IQGAP1: variants seen among roughly 807,000 people sequenced by gnomAD.
The protein encoded by IQGAP1 is ras GTPase-activating-like protein IQGAP1.
Under a neutral mutation model 215.6 loss-of-function variants are expected in IQGAP1, and 66 were observed. That is an observed-to-expected ratio of 0.31 (90% CI 0.25 to 0.38). The LOEUF is 0.38. Ranked by LOEUF, IQGAP1 falls within the 10% of genes least tolerant of loss-of-function variation. IQGAP1 has a pLI of 1.00. For missense variants in IQGAP1, 1,712 were observed against 1,997.1 expected, an observed-to-expected ratio of 0.86 and a Z score of 2.72; for synonymous variants, 772 against 728.7, an observed-to-expected ratio of 1.06 and a Z score of -0.96.
chr15:90,484,201 C>T lies in IQGAP1; in HGVS notation c.3789-19C>T, dbSNP rs769187193. The T allele has an allele frequency of 9.3e-5, 149 of 1,608,632 alleles. 1 individual carries two copies. In the Admixed American group the frequency reaches 2.5e-3, roughly 27 times the overall value. On this transcript the variant is annotated intron_variant, in intron 29 of 37. Transcript: ENST00000268182. ...GTGTATGTCCCTTTTTGGGGGGCTGCCTCCTGTGCTTATTTCAGACGGTTT... is the reference window on the plus strand; with the variant it reads ...GTGTATGTCCCTTTTTGGGGGGCTGTCTCCTGTGCTTATTTCAGACGGTTT...
chr15:90,444,291 T>A (rs71407305), intron 9 of IQGAP1, among the ~76,000 whole-genome samples: 3,437 of 126,218 alleles, frequency 0.027, 68 homozygotes, highest in Middle Eastern at 0.039. Flanking sequence ...ATATATATAT[T>A]TTTTTTTTTC....
chr15:90,420,611 T>A (rs1232975158), intron 2 of IQGAP1, among the ~76,000 whole-genome samples: 1 of 152,244 alleles, frequency 6.6e-6, no homozygotes, highest in South Asian at 2.1e-4. Context: ...TGAGATGGGC[T>A]GAAAGATCTT....
chr15:90,459,292 G>A lies in IQGAP1; in HGVS notation c.1776+2977G>A, dbSNP rs1965729482. Among the ~76,000 whole-genome samples, 5 of 152,270 alleles carry A rather than the reference G, an allele frequency of 3.3e-5. No individual in the cohort carries two copies. The South Asian group carries it at 6.2e-4, about 19-fold the overall frequency. ...CTAGACAGCAACAGCATAAAAAGAGGCATAAACCTTGTCAATTTCCTCAGC... is the reference window on the plus strand; with the variant it reads ...CTAGACAGCAACAGCATAAAAAGAGACATAAACCTTGTCAATTTCCTCAGC... On this transcript the variant is annotated intron_variant, in intron 15 of 37. Coordinates refer to ENST00000268182, the MANE Select transcript of IQGAP1 (RefSeq NM_003870.4).
chr15:90,489,125 C>CTT (rs58123122), intron 33 of IQGAP1, among the ~76,000 whole-genome samples: 1 of 136,184 alleles, frequency 7.3e-6, no homozygotes. Context: ...ACCCTTGTTT[C>CTT]TTTTTTTTTT....
intron 26 of IQGAP1, among the ~76,000 whole-genome samples, chr15:90,478,777 T>G (rs1316408381): frequency 6.6e-6 from 1 of 152,154 alleles, no homozygotes; most frequent in Non-Finnish European, 1.5e-5. Flanking sequence ...AGAAGGTTCA[T>G]ATAGATTGGG....
At chr15:90,424,872 T>G (rs774198357) in intron 2 of IQGAP1, among the ~76,000 whole-genome samples, 3 of 151,716 alleles carry the variant, frequency 2.0e-5, no homozygotes, top group Non-Finnish European at 4.4e-5. Context: ...TAATTTTAAA[T>G]TAGGAGTTTT....
intron 2 of IQGAP1, among the ~76,000 whole-genome samples, chr15:90,414,848 G>A (rs1242188717): frequency 2.6e-5 from 4 of 152,090 alleles, no homozygotes; most frequent in African/African-American, 7.2e-5. Flanking sequence ...AGCTGAACAT[G>A]TTTCAACCGT....
chr15:90,490,591 A>C (rs1966189655), intron 33 of IQGAP1, among the ~76,000 whole-genome samples: 1 of 152,222 alleles, frequency 6.6e-6, no homozygotes, highest in African/African-American at 2.4e-5. Flanking sequence ...AGTGACACAA[A>C]GAATTAGCAA....
At chr15:90,451,585 C>T (rs941111000) in intron 11 of IQGAP1, among the ~76,000 whole-genome samples, 2 of 152,130 alleles carry the variant, frequency 1.3e-5, no homozygotes, top group Non-Finnish European at 1.5e-5. Context: ...CCTACTAGGC[C>T]CTGCCTCCCA....
intron 2 of IQGAP1, among the ~76,000 whole-genome samples, chr15:90,415,290 T>G (rs571482322): frequency 1.3e-5 from 2 of 152,332 alleles, no homozygotes; most frequent in East Asian, 3.9e-4. Flanking sequence ...TTATTTCAAG[T>G]GTTTAAAATG....
intron 7 of IQGAP1, 51 bp from the exon 8 acceptor site, chr15:90,441,455 C>A (rs1169994447): frequency 2.0e-6 from 3 of 1,470,000 alleles, no homozygotes; most frequent in South Asian, 1.2e-5. Flanking sequence ...ATCCTGTAAT[C>A]TATATAATCT....
chr15:90,454,354 C>T, intron 13 of IQGAP1, 74 bp from the exon 14 acceptor site: 1 of 1,571,938 alleles, frequency 6.4e-7, no homozygotes, highest in Admixed American at 1.7e-5. Flanking sequence ...GTTGGGATAC[C>T]CTAGCAATCT....
At chr15:90,492,491 G>T in intron 34 of IQGAP1, 54 bp from the exon 35 acceptor site, 2 of 1,345,488 alleles carry the variant, frequency 1.5e-6, no homozygotes, top group Non-Finnish European at 2.0e-6. Context: ...GTTGTAGTGT[G>T]AAATGATAAT....
intron 2 of IQGAP1, among the ~76,000 whole-genome samples, chr15:90,416,659 G>A (rs968721895): frequency 6.6e-6 from 1 of 151,478 alleles, no homozygotes; most frequent in Non-Finnish European, 1.5e-5. Flanking sequence ...CTCACTGCAG[G>A]CTTCACCTCC....
At chr15:90,484,710 T>C (rs914277871) in intron 30 of IQGAP1, among the ~76,000 whole-genome samples, 2 of 152,076 alleles carry the variant, frequency 1.3e-5, no homozygotes, top group Admixed American at 6.6e-5. Context: ...GGGGTTTCAC[T>C]GTGTTAGCCA....
intron 15 of IQGAP1, among the ~76,000 whole-genome samples, chr15:90,458,997 T>TA (rs1446601820): frequency 6.6e-6 from 1 of 152,152 alleles, no homozygotes; most frequent in Admixed American, 6.5e-5. Context: ...CACCAAAACT[T>TA]ACAGAGCCCA....
At chr15:90,461,593 C>G (rs1047478463) in intron 15 of IQGAP1, among the ~76,000 whole-genome samples, 1 of 152,136 alleles carries the variant, frequency 6.6e-6, no homozygotes, top group South Asian at 2.1e-4. Flanking sequence ...AATCCCGGCA[C>G]TTTGGGAGGT....
chr15:90,413,151 G>C (rs902733808), intron 2 of IQGAP1, among the ~76,000 whole-genome samples: 1 of 152,116 alleles, frequency 6.6e-6, no homozygotes, highest in Non-Finnish European at 1.5e-5. Flanking sequence ...AAGATAGACA[G>C]GTATTATGTA....
intron 4 of IQGAP1, among the ~76,000 whole-genome samples, chr15:90,433,301 T>C (rs1038300244): frequency 5.3e-5 from 8 of 152,222 alleles, no homozygotes; most frequent in African/African-American, 1.9e-4. Flanking sequence ...TGTTGAGTTG[T>C]TTCTCCATCT....
Sources: allele counts gnomAD v4.1 joint callset (sites outside exome capture counted in the v4.1 genomes callset), GRCh38; gene constraint gnomAD v4.1.1; transcripts MANE v1.5; gene names NCBI Gene and HGNC (gene_info 2026-07-23, HGNC 2026-07-21).